The following TOR4A variants were observed in gnomAD, a reference collection of about 807,000 sequenced individuals.
The protein encoded by TOR4A is torsin family 4 member A.
A neutral mutation model predicts 11.5 loss-of-function variants in TOR4A; 12 were observed. The ratio of observed to expected loss-of-function variants is 1.04; its 90% CI spans 0.67 to 1.69. The LOEUF is 1.69. Among genes scored for constraint, TOR4A ranks in the 40% most tolerant of loss-of-function variants. The pLI, the probability that TOR4A is intolerant of heterozygous loss-of-function variation, is 0.00. For missense variants in TOR4A, 640 were observed against 643.2 expected (o/e 0.99, Z 0.05); for synonymous variants, 362 against 307.4 (o/e 1.18, Z -1.86).
At chr9:137,278,552 G>T (rs1478042209) in intron 1 of TOR4A, 101 bp from the exon 2 acceptor site, 20 of 864,302 alleles carry the variant, frequency 2.3e-5, no homozygotes, top group Non-Finnish European at 3.0e-5. Flanking sequence ...GCACCCCACG[G>T]GACTCCCAGG....
rs1029132302 is a variant in TOR4A at position 137,279,873 on chromosome 9, C to T, written c.1184C>T (p.Ala395Val). 1.3e-6 allele frequency: 2 copies of T among 1,582,960 alleles called. No individual in the cohort carries two copies. Among genetic ancestry groups the T allele is most frequent in the Non-Finnish European group, 8.6e-7 (1 of 1,168,060 alleles). The change falls in exon 2 of 2, where the codon GCC becomes GTC. Residue 395 changes from alanine to valine, a missense_variant. By Grantham distance (64) the Ala-to-Val change is moderately conservative. Coordinates refer to ENST00000357503, the MANE Select transcript of TOR4A (RefSeq NM_017723.3). ...FPDQARAENL[A>V]AQLSFYRVAG... ...GACCAGGCCCGCGCGGAGAACCTGG[C>T]CGCGCAGCTCAGCTTCTACCGCGTG...
At position 137,280,429 on chromosome 9, in the gene TOR4A, T is replaced by G; in HGVS notation, c.*468T>G. On this transcript the variant is annotated 3_prime_UTR_variant, in exon 2 of 2. Transcript: ENST00000357503. ...GCCAACCATGACAGTGCTGGGGCTC[T>G]GGCTGCCTTCTCCACCCACCCCACC... The G allele has an allele frequency of 5.7e-6, 1 of 175,006 alleles. No individual in the cohort carries two copies. The allele number at this position is 175,006 out of a possible 1,614,324, so 10.8% of individuals were successfully genotyped here.
Position 137,278,678 on chromosome 9 carries a change from C to T in TOR4A, c.-12C>T, listed in dbSNP as rs1165188228. On this transcript the variant is annotated 5_prime_UTR_variant, in exon 2 of 2. Transcript: ENST00000357503. ...GGAGGGCGACCTGTATGCGGAGCGC[C>T]GTTCCTGCGACATGGACCGCGGCCA... The T allele has an allele frequency of 6.0e-6, 8 of 1,332,226 alleles. No homozygotes were observed. The highest frequency in any genetic ancestry group is 3.8e-5 in the Admixed American group (1 of 26,318). The allele number at this position is 1,332,226 out of a possible 1,614,324, so 82.5% of individuals were successfully genotyped here.
At position 137,280,393 on chromosome 9, in the gene TOR4A, A is replaced by G; in HGVS notation, c.*432A>G. The G allele has an allele frequency of 5.2e-6, 1 of 190,532 alleles. No individual in the cohort carries two copies. Among genetic ancestry groups the G allele is most frequent in the Non-Finnish European group, 1.2e-5 (1 of 83,288 alleles). The allele number at this position is 190,532 out of a possible 1,614,324, so 11.8% of individuals were successfully genotyped here. On this transcript the variant is annotated 3_prime_UTR_variant, in exon 2 of 2. Coordinates refer to ENST00000357503, the MANE Select transcript of TOR4A (RefSeq NM_017723.3). The stretch of plus-strand genomic sequence containing the variant: ...CCGGCCCCCCTGGAGATGACCCCGG[A>G]GGAGGCCACAGCCAACCATGACAGT...
Position 137,278,926 on chromosome 9 carries a change from C to T in TOR4A, c.237C>T (p.Phe79=), listed in dbSNP as rs1390154658. 2 of 1,592,662 alleles carry T rather than the reference C, an allele frequency of 1.3e-6. No homozygotes were observed. Among genetic ancestry groups the T allele is most frequent in the Non-Finnish European group, 1.7e-6 (2 of 1,175,084 alleles). Residue 79 remains phenylalanine, a synonymous_variant, in exon 2 of 2, where the codon TTC becomes TTT. Coordinates refer to ENST00000357503, the MANE Select transcript of TOR4A (RefSeq NM_017723.3). The stretch of plus-strand genomic sequence containing the variant: ...TGGACCAGCCAAAGTTCTTCACCTT[C>T]GACAGCCCCGCGGAGCTACCCTCCA... ...ADLDQPKFFT[F]DSPAELPSRT... is the part of the protein sequence containing the mutation.
chr9:137,279,403 C>T lies in TOR4A; in HGVS notation c.714C>T (p.Asp238=). 7 of 1,533,460 alleles carry T rather than the reference C, an allele frequency of 4.6e-6. No individual in the cohort carries two copies. Among genetic ancestry groups the T allele is most frequent in the Non-Finnish European group, 5.3e-6 (6 of 1,141,482 alleles). 95.0% of individuals were successfully genotyped at this position (1,533,460 alleles called of 1,614,324 possible). A position where few individuals can be genotyped will look rare whatever the true frequency, so the allele number is the denominator to read the frequency against. ...GCCCCGAGGCGCGCGCCGCACAGGA[C>T]TGCCGCGAGGAGCTGGCGCGGCGCG... is the stretch of plus-strand genomic sequence containing the variant. ...HHCPEARAAQ[D]CREELARRVA... The change falls in exon 2 of 2, where the codon GAC becomes GAT. Residue 238 remains aspartate (D), a synonymous_variant. Transcript: ENST00000357503.
rs773493774 is a variant in TOR4A at position 137,278,761 on chromosome 9, G to T, written c.72G>T (p.Ala24=). 1.4e-6 allele frequency: 2 copies of T among 1,406,446 alleles called. No homozygotes were observed. Among genetic ancestry groups the T allele is most frequent in the East Asian group, 6.1e-5 (2 of 32,888 alleles). The allele number at this position is 1,406,446 out of a possible 1,614,324, so 87.1% of individuals were successfully genotyped here. A position where few individuals can be genotyped will look rare whatever the true frequency, so the allele number is the denominator to read the frequency against. The stretch of plus-strand genomic sequence containing the variant: ...GAGCCTCGGGCCGGTGCGTGATCGC[G>T]CCCGTGCGCGCTGTGCTCCGCCTGC... ...APRASGRCVI[A]PVRAVLRLRR... The change falls in exon 2 of 2, where the codon GCG becomes GCT. Residue 24 remains alanine (A), a synonymous_variant. Coordinates refer to ENST00000357503, the MANE Select transcript of TOR4A (RefSeq NM_017723.3).
At position 137,279,367 on chromosome 9, in the gene TOR4A, G is replaced by A. The variant is rs1286118870; in HGVS notation, c.678G>A (p.Ala226=). Reference sequence around the variant, plus strand: ...GCGCGCTCGTGCTGCAATACCATGCGCGGCACCACTGCCCCGAGGCGCGCG... The same window carrying A: ...GCGCGCTCGTGCTGCAATACCATGCACGGCACCACTGCCCCGAGGCGCGCG... ...EDSALVLQYH[A]RHHCPEARAA... The change falls in exon 2 of 2, where the codon GCG becomes GCA. Residue 226 remains alanine (A), a synonymous_variant. Transcript: ENST00000357503. The A allele has an allele frequency of 5.9e-6, 9 of 1,525,950 alleles. No homozygotes were observed. Among genetic ancestry groups the A allele is most frequent in the Middle Eastern group, 1.8e-4 (1 of 5,446 alleles). 94.5% of individuals were successfully genotyped at this position (1,525,950 alleles called of 1,614,324 possible). A position where few individuals can be genotyped will look rare whatever the true frequency, so the allele number is the denominator to read the frequency against.
In TOR4A at chr9:137,277,779, G is replaced by A. The variant is rs147863037; in HGVS notation, c.-166G>A. ...ACAGGTGTCGCTGCCCCTCCAGGCCGAAGCTGGCCCAGGAGGCCCCTGGCC... is the reference window on the plus strand; with the variant it reads ...ACAGGTGTCGCTGCCCCTCCAGGCCAAAGCTGGCCCAGGAGGCCCCTGGCC... On this transcript the variant is annotated 5_prime_UTR_variant, in exon 1 of 2. Transcript: ENST00000357503. The A allele has an allele frequency of 0.013, 1,986 of 152,408 alleles. 17 individuals carry two copies. The highest frequency in any genetic ancestry group is 0.021 in the Non-Finnish European group (1,438 of 68,106). The allele number at this position is 152,408 out of a possible 1,614,324, so 9.4% of individuals were successfully genotyped here. A position where few individuals can be genotyped will look rare whatever the true frequency, so the allele number is the denominator to read the frequency against.
chr9:137,278,750 T>G lies in TOR4A; in HGVS notation c.61T>G (p.Cys21Gly). ...CGCGGCCCCCCGAGCCTCGGGCCGG[T>G]GCGTGATCGCGCCCGTGCGCGCTGT... ...AAAAPRASGR[C>G]VIAPVRAVLR... The change falls in exon 2 of 2, where the codon TGC (cysteine) becomes GGC (glycine). Residue 21 changes from cysteine (C) to glycine (G), a missense_variant. Coordinates refer to ENST00000357503, the MANE Select transcript of TOR4A (RefSeq NM_017723.3). 1 of 1,404,392 alleles carries G rather than the reference T, an allele frequency of 7.1e-7. No homozygotes were observed. Among genetic ancestry groups the G allele is most frequent in the Non-Finnish European group, 9.2e-7 (1 of 1,087,810 alleles). The allele number at this position is 1,404,392 out of a possible 1,614,324, so 87.0% of individuals were successfully genotyped here. A position where few individuals can be genotyped will look rare whatever the true frequency, so the allele number is the denominator to read the frequency against.
In TOR4A at chr9:137,279,970, C is replaced by A; in HGVS notation, c.*9C>A. 6.4e-7 allele frequency: 1 copy of A among 1,559,696 alleles called. No homozygotes were observed. Among genetic ancestry groups the A allele is most frequent in the Non-Finnish European group, 8.7e-7 (1 of 1,149,312 alleles). On this transcript the variant is annotated 3_prime_UTR_variant, in exon 2 of 2. Coordinates refer to ENST00000357503, the MANE Select transcript of TOR4A (RefSeq NM_017723.3). Reference sequence around the variant, plus strand: ...CGGTGAACCTCCTGTAGTGGAGGCGCAGGACGGGACGTTTGGGTTGATGGC... The same window carrying A: ...CGGTGAACCTCCTGTAGTGGAGGCGAAGGACGGGACGTTTGGGTTGATGGC...
rs760353423 is a variant in TOR4A, at chr9:137,279,262, G to C, written c.573G>C (p.Ala191=). 13 of 1,535,114 alleles carry C rather than the reference G, an allele frequency of 8.5e-6. No individual in the cohort carries two copies. The African/African-American group carries it at 1.6e-4, about 19-fold the overall frequency. ...THVHSRPLLL[A]LHGPSGVGKS... is the part of the protein sequence containing the mutation. ...TGCACAGTCGTCCGCTCCTCCTGGC[G>C]CTGCACGGGCCCAGTGGCGTGGGCA... is the stretch of plus-strand genomic sequence containing the variant. The change falls in exon 2 of 2, where the codon GCG becomes GCC. Residue 191 remains alanine, a synonymous_variant. Coordinates refer to ENST00000357503, the MANE Select transcript of TOR4A (RefSeq NM_017723.3).
In TOR4A at chr9:137,281,332, G is replaced by T. The variant is rs1484828171; in HGVS notation, c.*1371G>T. ...CACGGCGGGCGCCCCTGGCAAGTGG[G>T]ACTCCTCCGGCCCCGAGGCCTGAAC... On this transcript the variant is annotated 3_prime_UTR_variant, in exon 2 of 2. Coordinates refer to ENST00000357503, the MANE Select transcript of TOR4A (RefSeq NM_017723.3). The T allele has an allele frequency of 6.4e-6, 1 of 156,698 alleles. No homozygotes were observed. Among genetic ancestry groups the T allele is most frequent in the African/African-American group, 2.4e-5 (1 of 41,458 alleles). 9.7% of individuals were successfully genotyped at this position (156,698 alleles called of 1,614,324 possible). A position where few individuals can be genotyped will look rare whatever the true frequency, so the allele number is the denominator to read the frequency against.
rs1431687643 is a variant in TOR4A, at chr9:137,278,857, G to C, written c.168G>C (p.Gly56=). ...QPGGGPDVGT[G]APRPGCSPRA... ...GTGGGGGGCCCGACGTCGGGACCGG[G>C]GCGCCCAGGCCGGGCTGCAGCCCCC... Residue 56 remains glycine (G), a synonymous_variant, in exon 2 of 2, where the codon GGG becomes GGC. Transcript: ENST00000357503. The C allele has an allele frequency of 8.5e-6, 13 of 1,524,884 alleles. No homozygotes were observed. Among genetic ancestry groups the C allele is most frequent in the Non-Finnish European group, 1.1e-5 (13 of 1,142,454 alleles). 94.5% of individuals were successfully genotyped at this position (1,524,884 alleles called of 1,614,324 possible). A position where few individuals can be genotyped will look rare whatever the true frequency, so the allele number is the denominator to read the frequency against.
At position 137,281,304 on chromosome 9, in the gene TOR4A, G is replaced by T. The variant is rs1357445972; in HGVS notation, c.*1343G>T. ...CCGCGCCGGAAGCCCCGAGTCGAGC[G>T]CACACGGCGGGCGCCCCTGGCAAGT... is the stretch of plus-strand genomic sequence containing the variant. On this transcript the variant is annotated 3_prime_UTR_variant, in exon 2 of 2. Coordinates refer to ENST00000357503, the MANE Select transcript of TOR4A (RefSeq NM_017723.3). The T allele has an allele frequency of 2.5e-5, 4 of 160,072 alleles. No homozygotes were observed. The highest frequency in any genetic ancestry group is 3.4e-3 in the Middle Eastern group (1 of 294). The allele number at this position is 160,072 out of a possible 1,614,324, so 9.9% of individuals were successfully genotyped here. A position where few individuals can be genotyped will look rare whatever the true frequency, so the allele number is the denominator to read the frequency against.
chr9:137,281,943 T>C lies in TOR4A; in HGVS notation c.*1982T>C, dbSNP rs1830724769. On this transcript the variant is annotated 3_prime_UTR_variant, in exon 2 of 2. Coordinates refer to ENST00000357503, the MANE Select transcript of TOR4A (RefSeq NM_017723.3). Reference sequence around the variant, plus strand: ...GCTCTGGTCTGGCCTTCGTGTTGGCTTCAAGGTGGTAACAGAGAGAGCTGC... The same window carrying C: ...GCTCTGGTCTGGCCTTCGTGTTGGCCTCAAGGTGGTAACAGAGAGAGCTGC... 6.0e-6 allele frequency: 1 copy of C among 167,160 alleles called. No homozygotes were observed. Among genetic ancestry groups the C allele is most frequent in the Non-Finnish European group, 1.5e-5 (1 of 68,192 alleles). The allele number at this position is 167,160 out of a possible 1,614,324, so 10.4% of individuals were successfully genotyped here.
In TOR4A at chr9:137,278,969, C is replaced by T. The variant is rs1051590759; in HGVS notation, c.280C>T (p.Arg94Cys). ...ACCCTCCAGGACGCCACGCAAGAAG[C>T]GCCGGCGCAGCCGCCTGGTGCTTTA... The part of the protein sequence containing the change: ...ELPSRTPRKK[R>C]RRSRLVLYPE... The change falls in exon 2 of 2, where the codon CGC becomes TGC. Residue 94 changes from arginine to cysteine, a missense_variant. Arg to Cys is a radical substitution (Grantham distance 180). Coordinates refer to ENST00000357503, the MANE Select transcript of TOR4A (RefSeq NM_017723.3). 1.1e-5 allele frequency: 17 copies of T among 1,605,456 alleles called. No individual in the cohort carries two copies. Among genetic ancestry groups the T allele is most frequent in the Non-Finnish European group, 1.4e-5 (16 of 1,177,934 alleles).
intron 1 of TOR4A, 49 bp from the exon 2 acceptor site, chr9:137,278,604 A>C (rs934366520): frequency 7.6e-6 from 9 of 1,176,910 alleles, no homozygotes; most frequent in Middle Eastern, 6.6e-4. Context: ...GGCCCGCGGG[A>C]AAGGGCAGTG....
In TOR4A at chr9:137,279,043, C is replaced by T; in HGVS notation, c.354C>T (p.Arg118=). The change falls in exon 2 of 2, where the codon CGC becomes CGT. Residue 118 remains arginine, a synonymous_variant. Transcript: ENST00000357503. ...KYRPRVEHRS[R]AQRCLLLLVA... Reference sequence around the variant, plus strand: ...GGCCGCGCGTGGAGCACAGGAGCCGCGCGCAGCGCTGCCTTCTGCTGCTAG... The same window carrying T: ...GGCCGCGCGTGGAGCACAGGAGCCGTGCGCAGCGCTGCCTTCTGCTGCTAG... The T allele has an allele frequency of 1.9e-6, 3 of 1,604,394 alleles. No homozygotes were observed. The highest frequency in any genetic ancestry group is 1.3e-5 in the African/African-American group (1 of 74,864).
Sources: gnomAD v4.1 joint callset for allele counts on GRCh38, gnomAD v4.1.1 for gene constraint, MANE v1.5 for transcripts, NCBI Gene and HGNC (gene_info 2026-07-23, HGNC 2026-07-21) for gene names.